The following EML4 variants were observed in gnomAD, a reference collection of about 807,000 sequenced individuals.
EML4 encodes echinoderm microtubule-associated protein-like 4.
In EML4, 72 loss-of-function variants were observed where a neutral mutation model predicts 129.0. The ratio of observed to expected loss-of-function variants is 0.56; its 90% CI spans 0.46 to 0.68. EML4 has a LOEUF of 0.68. Among genes scored for constraint, EML4 ranks in the 30% least tolerant of loss-of-function variants. The probability of loss-of-function intolerance (pLI) is 0.00; values close to 1 mark genes in which losing one functional copy is unlikely to be tolerated. For missense variants in EML4, 1,363 were observed against 1,190.6 expected, an observed-to-expected ratio of 1.14 and a Z score of -2.13; for synonymous variants, 532 against 405.0, an observed-to-expected ratio of 1.31 and a Z score of -3.77.
chr2:42,199,233 C>T (rs1341721472), intron 1 of EML4, among the ~76,000 whole-genome samples: 7 of 151,996 alleles, frequency 4.6e-5, no homozygotes, highest in East Asian at 1.9e-4. Flanking sequence ...GGTAATAAAG[C>T]GAGTGGTTAT....
rs1670004538 is a variant in EML4 at position 42,329,853 on chromosome 2, T to C, written c.2592T>C (p.Leu864=). The change falls in exon 23 of 23, where the codon CTT becomes CTC. Residue 864 remains leucine (L), a synonymous_variant. Coordinates refer to ENST00000318522, the MANE Select transcript of EML4 (RefSeq NM_019063.5). The part of the protein sequence containing the change: ...GKDMSIIQWK[L]VEKLSLPQNE... ...ACATGAGCATCATTCAGTGGAAACT[T>C]GTGGAAAAGTTATCTTTGCCTCAGA... 3 of 1,614,028 alleles carry C rather than the reference T, an allele frequency of 1.9e-6. No individual in the cohort carries two copies. The East Asian group carries it at 6.7e-5, about 36-fold the overall frequency.
chr2:42,169,890 A>C, intron 1 of EML4: 1 of 411,768 alleles, frequency 2.4e-6, no homozygotes, highest in Non-Finnish European at 4.3e-6. Flanking sequence ...TCGTTCCCCC[A>C]AAGTGGGAAC....
chr2:42,269,949 C>G (rs752512912), intron 6 of EML4, among the ~76,000 whole-genome samples: 1 of 152,010 alleles, frequency 6.6e-6, no homozygotes, highest in Non-Finnish European at 1.5e-5. Flanking sequence ...GTAAAATGAC[C>G]TGTATCACAG....
chr2:42,329,059 T>C, intron 22 of EML4, 43 bp downstream of exon 22: 1 of 1,573,474 alleles, frequency 6.4e-7, no homozygotes, highest in Non-Finnish European at 8.6e-7. Flanking sequence ...AGGCCTTCTG[T>C]CCAGGGATGA....
intron 6 of EML4, among the ~76,000 whole-genome samples, chr2:42,273,129 T>C (rs1438367070): frequency 2.0e-5 from 3 of 152,180 alleles, no homozygotes; most frequent in Non-Finnish European, 2.9e-5. Flanking sequence ...ACTTGGTATA[T>C]TCATATAAAA....
intron 1 of EML4, among the ~76,000 whole-genome samples, chr2:42,191,177 T>C (rs143504548): frequency 1.8e-4 from 27 of 152,372 alleles, no homozygotes; most frequent in African/African-American, 5.5e-4. Context: ...TTATTTTTTT[T>C]AATTCTTAGA....
At chr2:42,272,069 C>G (rs1189706894) in intron 6 of EML4, among the ~76,000 whole-genome samples, 1 of 132,010 alleles carries the variant, frequency 7.6e-6, no homozygotes, top group Non-Finnish European at 1.6e-5. Context: ...CACCACTGCA[C>G]TCCATCTCAA....
At chr2:42,231,338 TCTCACAACTCCA>T (rs1474381295) in intron 1 of EML4, among the ~76,000 whole-genome samples, 7 of 152,202 alleles carry the variant, frequency 4.6e-5, no homozygotes, top group African/African-American at 1.7e-4. Flanking sequence ...AGTCATCAAT[TCTCACAACTCCA>T]GTTATCAGAT....
At chr2:42,172,043 A>G (rs763093600) in intron 1 of EML4, among the ~76,000 whole-genome samples, 3 of 152,088 alleles carry the variant, frequency 2.0e-5, no homozygotes, top group Non-Finnish European at 4.4e-5. Context: ...CTTCTACTCT[A>G]GTAGGTGTTT....
chr2:42,277,630 G>A (rs1228208615), intron 6 of EML4, among the ~76,000 whole-genome samples: 4 of 149,908 alleles, frequency 2.7e-5, no homozygotes, highest in African/African-American at 9.9e-5. Flanking sequence ...GTGCAGTGGC[G>A]TGATCTCGGC....
chr2:42,198,059 A>G (rs1321745752), intron 1 of EML4, among the ~76,000 whole-genome samples: 2 of 152,174 alleles, frequency 1.3e-5, no homozygotes, highest in Admixed American at 6.5e-5. Context: ...ACAAGTACCT[A>G]GTTGATAGGG....
intron 1 of EML4, among the ~76,000 whole-genome samples, chr2:42,223,035 G>A (rs1424786400): frequency 1.3e-5 from 2 of 151,954 alleles, no homozygotes; most frequent in East Asian, 1.9e-4. Flanking sequence ...TCCTGACCTC[G>A]TGATCCGCCC....
At chr2:42,306,432 ATAAAAG>A (rs1668595408) in intron 17 of EML4, among the ~76,000 whole-genome samples, 1 of 151,472 alleles carries the variant, frequency 6.6e-6, no homozygotes. Flanking sequence ...CCTTGAAATA[ATAAAAG>A]TAAGAGATAT....
intron 4 of EML4, 32 bp from the exon 5 acceptor site, chr2:42,263,146 A>T: frequency 1.3e-6 from 2 of 1,587,154 alleles, no homozygotes; most frequent in Non-Finnish European, 1.7e-6. Context: ...GATACTCAGA[A>T]TTTTTCTCTA....
intron 1 of EML4, among the ~76,000 whole-genome samples, chr2:42,222,655 CAG>C (rs1673680301): frequency 2.0e-5 from 3 of 152,126 alleles, no homozygotes; most frequent in Non-Finnish European, 4.4e-5. Flanking sequence ...TTTTCAAAAA[CAG>C]GACATAAACT....
chr2:42,278,385 C>G (rs1316330999), intron 6 of EML4, among the ~76,000 whole-genome samples: 1 of 151,966 alleles, frequency 6.6e-6, no homozygotes, highest in Non-Finnish European at 1.5e-5. Context: ...ACCAATCTGG[C>G]CAACGTGGTG....
intron 17 of EML4, 133 bp downstream of exon 17, chr2:42,304,684 T>G: frequency 1.4e-6 from 1 of 707,730 alleles, no homozygotes; most frequent in Non-Finnish European, 2.5e-6. Flanking sequence ...CTTATCCGTT[T>G]TGTATATTCA....
At chr2:42,183,463 A>T (rs895590236) in intron 1 of EML4, among the ~76,000 whole-genome samples, 1 of 152,222 alleles carries the variant, frequency 6.6e-6, no homozygotes, top group African/African-American at 2.4e-5. Context: ...GTCAGATTAT[A>T]CAGAAAAGTA....
chr2:42,296,346 A>G (rs574838353), intron 13 of EML4, among the ~76,000 whole-genome samples: 1 of 152,158 alleles, frequency 6.6e-6, no homozygotes, highest in African/African-American at 2.4e-5. Context: ...ACCAAAAAAA[A>G]AGTAAGAAAG....
Sources: allele counts gnomAD v4.1 joint callset (sites outside exome capture counted in the v4.1 genomes callset), GRCh38; gene constraint gnomAD v4.1.1; transcripts MANE v1.5; gene names NCBI Gene and HGNC (gene_info 2026-07-23, HGNC 2026-07-21).